CHMP4B: variants seen among roughly 807,000 people sequenced by gnomAD.
CHMP4B encodes the protein SNF7 homolog associated with Alix 1.
CHMP4B carries 1 observed loss-of-function variant against 25.1 expected under a neutral mutation model. That is an observed-to-expected ratio of 0.04 (90% CI 0.01 to 0.19). CHMP4B has a LOEUF of 0.19. Among genes scored for constraint, CHMP4B ranks in the 10% least tolerant of loss-of-function variants. The pLI is 1.00. For missense variants in CHMP4B, 151 were observed against 289.7 expected (o/e 0.52, Z 3.48); for synonymous variants, 101 against 115.6 (o/e 0.87, Z 0.81).
intron 1 of CHMP4B, among the ~76,000 whole-genome samples, chr20:33,840,533 C>T (rs1979510009): frequency 6.6e-6 from 1 of 152,040 alleles, no homozygotes. Flanking sequence ...TGATACCAAG[C>T]CTCATATTCT....
chr20:33,826,592 G>A (rs1979101026), intron 1 of CHMP4B, among the ~76,000 whole-genome samples: 1 of 152,174 alleles, frequency 6.6e-6, no homozygotes, highest in Non-Finnish European at 1.5e-5. Context: ...TAGGTTGTCT[G>A]TCCATTACTG....
chr20:33,814,548 G>A (rs1037263105), intron 1 of CHMP4B, among the ~76,000 whole-genome samples: 6 of 152,198 alleles, frequency 3.9e-5, no homozygotes, highest in Non-Finnish European at 5.9e-5. Flanking sequence ...TGACAGTGTC[G>A]CCTCTGGAGT....
At chr20:33,826,119 G>A (rs1293832223) in intron 1 of CHMP4B, among the ~76,000 whole-genome samples, 2 of 152,148 alleles carry the variant, frequency 1.3e-5, no homozygotes, top group South Asian at 2.1e-4. Flanking sequence ...ATAACTCTCC[G>A]TAAAATAAGG....
Position 33,853,676 on chromosome 20 carries a change from C to G in CHMP4B, c.*116C>G. The G allele has an allele frequency of 6.7e-6, 6 of 895,192 alleles. No individual in the cohort carries two copies. The South Asian group carries it at 8.1e-5, about 12-fold the overall frequency. 55.5% of individuals were successfully genotyped at this position (895,192 alleles called of 1,614,324 possible). On this transcript the variant is annotated 3_prime_UTR_variant, in exon 5 of 5. Coordinates refer to ENST00000217402, the MANE Select transcript of CHMP4B (RefSeq NM_176812.5). ...CAGGCAGGTTCCATCGCTTTCGACT[C>G]TCACTCCAAAGCAGTAGGGCCGCGT...
intron 1 of CHMP4B, among the ~76,000 whole-genome samples, chr20:33,820,350 T>A (rs17090936): frequency 6.6e-6 from 1 of 152,182 alleles, no homozygotes; most frequent in Non-Finnish European, 1.5e-5. Flanking sequence ...GATGTTGAGA[T>A]CCCAAATCTT....
intron 1 of CHMP4B, among the ~76,000 whole-genome samples, chr20:33,831,274 C>T (rs1454238282): frequency 2.6e-5 from 4 of 151,928 alleles, no homozygotes; most frequent in African/African-American, 9.7e-5. Context: ...TTAGTGGAGA[C>T]GGGGTTTCAC....
intron 1 of CHMP4B, among the ~76,000 whole-genome samples, chr20:33,815,674 C>T (rs1474796172): frequency 6.6e-6 from 1 of 152,176 alleles, no homozygotes; most frequent in Non-Finnish European, 1.5e-5. Flanking sequence ...CAGTGCTTTG[C>T]ACATGGTTAA....
chr20:33,841,085 A>G (rs536383839), intron 1 of CHMP4B, among the ~76,000 whole-genome samples: 62 of 152,188 alleles, frequency 4.1e-4, no homozygotes, highest in African/African-American at 1.3e-3. Flanking sequence ...GGAGCGTTTG[A>G]TATTCTGTTA....
chr20:33,821,570 G>A (rs561729309), intron 1 of CHMP4B, among the ~76,000 whole-genome samples: 27 of 152,220 alleles, frequency 1.8e-4, no homozygotes, highest in Middle Eastern at 3.4e-3. Context: ...AATTTGATCA[G>A]CATGGTGTGT....
intron 1 of CHMP4B, among the ~76,000 whole-genome samples, chr20:33,837,458 G>A (rs1979421889): frequency 6.6e-6 from 1 of 152,016 alleles, no homozygotes; most frequent in African/African-American, 2.4e-5. Context: ...AAAACCTCAA[G>A]AAGGAATGGC....
At chr20:33,829,013 G>A (rs924269451) in intron 1 of CHMP4B, among the ~76,000 whole-genome samples, 13 of 152,186 alleles carry the variant, frequency 8.5e-5, no homozygotes, top group Non-Finnish European at 1.8e-4. Flanking sequence ...CATTCAACAT[G>A]TTTCCCAAAC....
chr20:33,841,049 CTT>C (rs1035626455), intron 1 of CHMP4B, among the ~76,000 whole-genome samples: 1 of 152,126 alleles, frequency 6.6e-6, no homozygotes, highest in African/African-American at 2.4e-5. Context: ...ACGGAACACA[CTT>C]TGTTTGTATT....
Position 33,853,583 on chromosome 20 carries a change from CCAGA to C in CHMP4B, c.*29_*32del. 3.1e-6 allele frequency: 5 copies of C among 1,610,076 alleles called. No individual in the cohort carries two copies. Among genetic ancestry groups the C allele is most frequent in the East Asian group, 2.2e-5 (1 of 44,846 alleles). The stretch of plus-strand genomic sequence containing the variant: ...TAATGGGGTCCAGCGCTGGCTGGGC[CCAGA>C]CAGACTGTGGTGGCCTGCGCAGCGA... On this transcript the variant is annotated 3_prime_UTR_variant, in exon 5 of 5. Coordinates refer to ENST00000217402, the MANE Select transcript of CHMP4B (RefSeq NM_176812.5).
At chr20:33,835,857 G>A (rs116786261) in intron 1 of CHMP4B, among the ~76,000 whole-genome samples, 1 of 152,332 alleles carries the variant, frequency 6.6e-6, no homozygotes, top group African/African-American at 2.4e-5. Context: ...GCGAGAGAGA[G>A]AGGAGGAGGT....
chr20:33,837,237 G>A (rs1351222144), intron 1 of CHMP4B, among the ~76,000 whole-genome samples: 1 of 152,120 alleles, frequency 6.6e-6, no homozygotes, highest in African/African-American at 2.4e-5. Flanking sequence ...CTGGGCTACA[G>A]CTATTTCGGA....
chr20:33,845,612 C>T (rs1256561057), intron 1 of CHMP4B, among the ~76,000 whole-genome samples: 1 of 152,156 alleles, frequency 6.6e-6, no homozygotes, highest in Middle Eastern at 3.2e-3. Flanking sequence ...CGTGAGCCAG[C>T]GTGCCTGGTA....
Position 33,850,944 on chromosome 20 carries a change from A to G in CHMP4B, c.369-8A>G. On this transcript the variant is annotated splice_polypyrimidine_tract_variant and splice_region_variant and intron_variant, in intron 2 of 4. Transcript: ENST00000217402. The stretch of plus-strand genomic sequence containing the variant: ...GATTGATATGATACCTGTCCATTGC[A>G]TTTGAAGGGACATCGATAAAGTTGA... The G allele has an allele frequency of 1.3e-6, 2 of 1,597,776 alleles. No individual in the cohort carries two copies. Among genetic ancestry groups the G allele is most frequent in the Admixed American group, 1.7e-5 (1 of 60,012 alleles).
intron 1 of CHMP4B, among the ~76,000 whole-genome samples, chr20:33,845,770 T>C (rs888348398): frequency 2.0e-5 from 3 of 152,078 alleles, no homozygotes; most frequent in African/African-American, 4.8e-5. Context: ...ATGTCTAGGG[T>C]ATGGCTTTTG....
At chr20:33,844,296 A>G (rs1979622651) in intron 1 of CHMP4B, among the ~76,000 whole-genome samples, 1 of 152,368 alleles carries the variant, frequency 6.6e-6, no homozygotes, top group Admixed American at 6.5e-5. Context: ...TGGATCCCCC[A>G]TGAAGAACCC....
Sources: allele counts gnomAD v4.1 joint callset (sites outside exome capture counted in the v4.1 genomes callset), GRCh38; gene constraint gnomAD v4.1.1; transcripts MANE v1.5; gene names NCBI Gene and HGNC (gene_info 2026-07-23, HGNC 2026-07-21).